The following PCNX2 variants were observed in gnomAD, a reference collection of about 807,000 sequenced individuals.
PCNX2 encodes the protein pecanex-like protein 2.
PCNX2 carries 168 observed loss-of-function variants against 223.8 expected under a neutral mutation model. The ratio of observed to expected loss-of-function variants is 0.75; its 90% CI spans 0.66 to 0.85. PCNX2 has a LOEUF of 0.85. Among genes scored for constraint, PCNX2 ranks in the 40% least tolerant of loss-of-function variants. The pLI is 0.00. For synonymous variants in PCNX2, 1,006 were observed against 1,052.6 expected, an observed-to-expected ratio of 0.96 and a Z score of 0.86; for missense variants, 2,507 against 2,675.5, an observed-to-expected ratio of 0.94 and a Z score of 1.39.
At chr1:233,062,632 A>C (rs1201498803) in intron 23 of PCNX2, among the ~76,000 whole-genome samples, 1 of 152,162 alleles carries the variant, frequency 6.6e-6, no homozygotes, top group Non-Finnish European at 1.5e-5. Context: ...TAATGCTTTC[A>C]CTTATTCTTT....
chr1:233,113,865 C>T (rs773554162), intron 21 of PCNX2, among the ~76,000 whole-genome samples: 11 of 152,236 alleles, frequency 7.2e-5, no homozygotes, highest in Non-Finnish European at 1.5e-4. Context: ...TCGAATAGCA[C>T]TGAGTTCAAG....
At chr1:233,161,246 G>A (rs1678456648) in intron 18 of PCNX2, 25 bp downstream of exon 18, 1 of 1,582,554 alleles carries the variant, frequency 6.3e-7, no homozygotes, top group Non-Finnish European at 8.7e-7. Flanking sequence ...GGGGCAGGAA[G>A]AGTACAAAGT....
At chr1:233,132,131 G>T (rs1322007165) in intron 21 of PCNX2, among the ~76,000 whole-genome samples, 1 of 152,058 alleles carries the variant, frequency 6.6e-6, no homozygotes, top group African/African-American at 2.4e-5. Context: ...GTAGAGATGA[G>T]GTTTCACCAT....
chr1:233,074,651 G>A (rs1174897266), intron 23 of PCNX2, among the ~76,000 whole-genome samples: 1 of 147,170 alleles, frequency 6.8e-6, no homozygotes, highest in South Asian at 2.2e-4. Flanking sequence ...CTACAGACTG[G>A]AATGAAATAT....
chr1:233,151,575 G>A (rs886487798), intron 19 of PCNX2, among the ~76,000 whole-genome samples: 2 of 152,268 alleles, frequency 1.3e-5, no homozygotes, highest in Admixed American at 6.5e-5. Context: ...GAATCCTAAC[G>A]GGTCTTGGAT....
intron 19 of PCNX2, among the ~76,000 whole-genome samples, chr1:233,147,345 AAAG>A (rs1232826810): frequency 2.0e-5 from 3 of 152,212 alleles, no homozygotes; most frequent in African/African-American, 4.8e-5. Flanking sequence ...ATGCTAGAGA[AAAG>A]AAGATGTTAT....
rs144876967 is a variant in PCNX2, at chr1:233,144,168, G to A, written c.3518-4313C>T. ...TGCACCCCAGCCTGGACAACAGAGC[G>A]TAGACCCTGTCTCAAAAACATGAAA... On this transcript the variant is annotated intron_variant, in intron 19 of 33. Transcript: ENST00000258229. Among the ~76,000 whole-genome samples the A allele has an allele frequency of 8.5e-3, 1,286 of 151,976 alleles. 38 individuals are homozygous for A. Among genetic ancestry groups the A allele is most frequent in the Admixed American group, 0.058 (884 of 15,244 alleles).
At chr1:233,249,654 T>C (rs1007085440) in intron 8 of PCNX2, among the ~76,000 whole-genome samples, 1 of 152,184 alleles carries the variant, frequency 6.6e-6, no homozygotes, top group Non-Finnish European at 1.5e-5. Flanking sequence ...AAGATTTCTG[T>C]TTCCCCACAG....
chr1:233,230,523 G>A (rs189720593), intron 9 of PCNX2, among the ~76,000 whole-genome samples: 1 of 152,310 alleles, frequency 6.6e-6, no homozygotes, highest in East Asian at 1.9e-4. Flanking sequence ...TGGCATGCAT[G>A]AGGGCAGTGC....
At chr1:233,079,118 C>T (rs1167593512) in intron 23 of PCNX2, among the ~76,000 whole-genome samples, 1 of 152,172 alleles carries the variant, frequency 6.6e-6, no homozygotes, top group Non-Finnish European at 1.5e-5. Flanking sequence ...GTCTGCCACT[C>T]AGCCCTGGAG....
At chr1:233,162,964 A>C (rs1230039218) in intron 17 of PCNX2, among the ~76,000 whole-genome samples, 1 of 152,200 alleles carries the variant, frequency 6.6e-6, no homozygotes, top group African/African-American at 2.4e-5. Flanking sequence ...TTAAAGCAGA[A>C]GCAGGAATGA....
chr1:233,041,811 A>G (rs142645921), intron 25 of PCNX2, among the ~76,000 whole-genome samples: 1 of 152,330 alleles, frequency 6.6e-6, no homozygotes, highest in African/African-American at 2.4e-5. Flanking sequence ...ATAAGAAAAT[A>G]AATGGTTATC....
At chr1:233,210,592 G>C (rs1392756552) in intron 12 of PCNX2, 1 of 985,158 alleles carries the variant, frequency 1.0e-6, no homozygotes, top group East Asian at 1.1e-4. Flanking sequence ...ACTTCTGTTT[G>C]CCTTGATTTC....
intron 23 of PCNX2, among the ~76,000 whole-genome samples, chr1:233,062,411 T>A (rs1017291645): frequency 2.6e-5 from 4 of 152,230 alleles, no homozygotes; most frequent in Admixed American, 2.6e-4. Context: ...TTTCTACCAC[T>A]ACTGTGTTTC....
At chr1:233,274,152 T>C (rs57089694) in intron 1 of PCNX2, among the ~76,000 whole-genome samples, 6,878 of 152,212 alleles carry the variant, frequency 0.045, 524 homozygotes, top group African/African-American at 0.16. Context: ...TACAAGTGGG[T>C]ATTAACATGC....
rs746380906 is a variant in PCNX2 at position 232,984,281 on chromosome 1, C to G, written c.*23G>C. 6.4e-7 allele frequency: 1 copy of G among 1,564,062 alleles called. No individual in the cohort carries two copies. The highest frequency in any genetic ancestry group is 8.7e-7 in the Non-Finnish European group (1 of 1,155,068). On this transcript the variant is annotated 3_prime_UTR_variant, in exon 34 of 34. Coordinates refer to ENST00000258229, the MANE Select transcript of PCNX2 (RefSeq NM_014801.4). ...AGGTGGGAGGTGTGGGGGAGCCAGC[C>G]TCCCCGCCCGGCCGCACGCCCGTCA...
At chr1:233,022,476 T>G (rs549379427) in intron 26 of PCNX2, among the ~76,000 whole-genome samples, 11 of 152,046 alleles carry the variant, frequency 7.2e-5, no homozygotes, top group African/African-American at 2.7e-4. Flanking sequence ...AGACTGAGGT[T>G]GGAAGAGAAG....
At chr1:233,263,665 A>G (rs1660181454) in intron 1 of PCNX2, among the ~76,000 whole-genome samples, 1 of 152,094 alleles carries the variant, frequency 6.6e-6, no homozygotes, top group South Asian at 2.1e-4. Context: ...TATGTTGGCC[A>G]GGCTGGTCTC....
chr1:233,202,175 C>T (rs766321435), intron 13 of PCNX2: 14 of 465,236 alleles, frequency 3.0e-5, no homozygotes, highest in South Asian at 1.4e-4. Context: ...GAAAATGACA[C>T]TTGAAATTGC....
Sources: gnomAD v4.1 joint callset for allele counts (sites outside exome capture counted in the v4.1 genomes callset) on GRCh38, gnomAD v4.1.1 for gene constraint, MANE v1.5 for transcripts, NCBI Gene and HGNC (gene_info 2026-07-23, HGNC 2026-07-21) for gene names.